Variants in MET observed in about 807,000 individuals in gnomAD.
MET encodes MET proto-oncogene, receptor tyrosine kinase.
Under a neutral mutation model 133.1 loss-of-function variants are expected in MET, and 48 were observed. The ratio of observed to expected loss-of-function variants is 0.36; its 90% CI spans 0.29 to 0.46. MET has a LOEUF of 0.46. MET is among the 20% of genes least tolerant of loss of function. The probability of loss-of-function intolerance (pLI) is 1.00; values close to 1 mark genes in which losing one functional copy is unlikely to be tolerated. For synonymous variants in MET, 628 were observed against 616.5 expected, an observed-to-expected ratio of 1.02 and a Z score of -0.28; for missense variants, 1,442 against 1,695.9, an observed-to-expected ratio of 0.85 and a Z score of 2.63.
chr7:116,769,897 GGCTCATCA>G (rs1794778060), intron 12 of MET, 106 bp downstream of exon 12: 4 of 1,513,516 alleles, frequency 2.6e-6, no homozygotes, highest in Non-Finnish European at 2.7e-6. Flanking sequence ...TGTGGGTTTT[GGCTCATCA>G]ACTCAGCCTG....
At chr7:116,724,821 AGGCTT>A (rs1792677192) in intron 2 of MET, 1 of 1,289,118 alleles carries the variant, frequency 7.8e-7, no homozygotes, top group Non-Finnish European at 1.0e-6. Flanking sequence ...CAGAGAGCCT[AGGCTT>A]AGTCCTAGCC....
In MET at chr7:116,771,879, C is replaced by G. The variant is rs1256425988; in HGVS notation, c.2918C>G (p.Ala973Gly). The change falls in exon 14 of 21, where the codon GCA becomes GGA. Residue 973 changes from alanine (A) to glycine (G), a missense_variant. Physicochemically the swap from Ala to Gly is moderately conservative, Grantham distance 60. Around this residue, in one of 6 missense-constraint regions of MET, gnomAD observed 514 missense variants for 659.6 expected, o/e 0.78. Transcript: ENST00000397752. Reference protein sequence around the residue: ...DLGSELVRYDARVHTPHLDRL... With the variant: ...DLGSELVRYDGRVHTPHLDRL... ...GGCAGTGAATTAGTTCGCTACGATG[C>G]AAGAGTACACACTCCTCATTTGGAT... 6.2e-7 allele frequency: 1 copy of G among 1,613,646 alleles called. No homozygotes were observed. The highest frequency in any genetic ancestry group is 8.5e-7 in the Non-Finnish European group (1 of 1,179,830).
Position 116,754,807 on chromosome 7 carries a change from ACT to A in MET, c.1702-545_1702-544del, listed in dbSNP as rs777610887. Among the ~76,000 whole-genome samples, 8 of 150,830 alleles carry A rather than the reference ACT, an allele frequency of 5.3e-5. No homozygotes were observed. In the South Asian group the frequency reaches 1.5e-3, roughly 28 times the overall value. On this transcript the variant is annotated intron_variant, in intron 5 of 20. Transcript: ENST00000397752. The stretch of plus-strand genomic sequence containing the variant: ...ACTCCAGCCTGAACAACAGAGCCAG[ACT>A]CTGTCTGAAAAAGAAAAGAAAAGAA...
chr7:116,794,206 A>G (rs1198767258), intron 19 of MET, among the ~76,000 whole-genome samples: 2 of 151,912 alleles, frequency 1.3e-5, no homozygotes, highest in African/African-American at 4.8e-5. Flanking sequence ...CAGCCCTGGG[A>G]CCTATCTAGT....
chr7:116,703,394 A>G (rs1791652376), intron 2 of MET, among the ~76,000 whole-genome samples: 2 of 152,140 alleles, frequency 1.3e-5, no homozygotes, highest in African/African-American at 2.4e-5. Context: ...CCATTCATCA[A>G]TCAACCTCTA....
chr7:116,685,095 G>A (rs12535996), intron 1 of MET, among the ~76,000 whole-genome samples: 19,446 of 152,132 alleles, frequency 0.13, 2,148 homozygotes, highest in African/African-American at 0.3. Context: ...ACCAGGTTTT[G>A]TGGGAGTAGA....
Position 116,699,198 on chromosome 7 carries a change from T to C in MET, c.114T>C (p.Asn38=). 6.2e-7 allele frequency: 1 copy of C among 1,613,984 alleles called. No individual in the cohort carries two copies. Among genetic ancestry groups the C allele is most frequent in the Non-Finnish European group, 8.5e-7 (1 of 1,179,922 alleles). ...TAGCAAAGTCCGAGATGAATGTGAATATGAAGTATCAGCTTCCCAACTTCA... is the reference window on the plus strand; with the variant it reads ...TAGCAAAGTCCGAGATGAATGTGAACATGAAGTATCAGCTTCCCAACTTCA... ...EALAKSEMNV[N]MKYQLPNFTA... Residue 38 remains asparagine, a synonymous_variant, in exon 2 of 21, where the codon AAT becomes AAC. Coordinates refer to ENST00000397752, the MANE Select transcript of MET (RefSeq NM_000245.4).
intron 1 of MET, among the ~76,000 whole-genome samples, chr7:116,685,756 C>T (rs1796528997): frequency 6.6e-6 from 1 of 152,138 alleles, no homozygotes. Context: ...ATCCTACAAA[C>T]ATGCTTCACC....
At chr7:116,783,188 C>A in intron 18 of MET, 116 bp from the exon 19 acceptor site, 1 of 1,202,316 alleles carries the variant, frequency 8.3e-7, no homozygotes, top group Non-Finnish European at 1.2e-6. Flanking sequence ...TGAAATACTT[C>A]CTTCAGAAGT....
Position 116,771,938 on chromosome 7 carries a change from A to G in MET, c.2977A>G (p.Thr993Ala), listed in dbSNP as rs587778441. The part of the protein sequence containing the change: ...LVSARSVSPT[T>A]EMVSNESVDY... ...AAGTGCCCGAAGTGTAAGCCCAACTACAGAAATGGTTTCAAATGAATCTGT... is the reference window on the plus strand; with the variant it reads ...AAGTGCCCGAAGTGTAAGCCCAACTGCAGAAATGGTTTCAAATGAATCTGT... The change falls in exon 14 of 21, where the codon ACA becomes GCA. Residue 993 changes from threonine (T) to alanine (A), a missense_variant. Transcript: ENST00000397752. 3 of 1,613,910 alleles carry G rather than the reference A, an allele frequency of 1.9e-6. No individual in the cohort carries two copies. The highest frequency in any genetic ancestry group is 4.5e-5 in the East Asian group (2 of 44,876).
rs1196956233 is a variant in MET, at chr7:116,743,771, CCT to C, written c.1701+2748_1701+2749del. 3.3e-5 allele frequency among the ~76,000 whole-genome samples: 5 copies of C among 152,324 alleles called. No homozygotes were observed. The East Asian group carries it at 7.7e-4, about 24-fold the overall frequency. On this transcript the variant is annotated intron_variant, in intron 5 of 20. Coordinates refer to ENST00000397752, the MANE Select transcript of MET (RefSeq NM_000245.4). ...ACCTCCCAGCAGGGGTCGACAGACA[CCT>C]CACACAGGAGAGCTCTGGCTGGCAT...
rs1189967753 is a variant in MET, at chr7:116,797,983, CCAAATATTGCCGTTT to C, written c.*1862_*1876del. 4.5e-6 allele frequency: 1 copy of C among 220,224 alleles called. No homozygotes were observed. Among genetic ancestry groups the C allele is most frequent in the Non-Finnish European group, 9.1e-6 (1 of 109,732 alleles). 13.6% of individuals were successfully genotyped at this position (220,224 alleles called of 1,614,324 possible). On this transcript the variant is annotated 3_prime_UTR_variant, in exon 21 of 21. Coordinates refer to ENST00000397752, the MANE Select transcript of MET (RefSeq NM_000245.4). Reference sequence around the variant, plus strand: ...AATTGTACTGAAGAGCTATTACAATCCAAATATTGCCGTTTCATAAATGTAATAAGTAATACTAAT... The same window carrying C: ...AATTGTACTGAAGAGCTATTACAATCCATAAATGTAATAAGTAATACTAAT...
intron 5 of MET, among the ~76,000 whole-genome samples, chr7:116,753,114 C>CT: frequency 6.6e-6 from 1 of 152,180 alleles, no homozygotes. Flanking sequence ...TAAGCTAAAA[C>CT]TTTAAAGGGG....
Position 116,758,282 on chromosome 7 carries a change from C to G in MET, c.2103-177C>G, listed in dbSNP as rs1487779386. On this transcript the variant is annotated intron_variant, in intron 8 of 20. Transcript: ENST00000397752. ...TTTCCAGTCAAGGATAGCTTGTCCA[C>G]AACAAAGGTAAGTTTGAGATCCAGT... 2.6e-5 allele frequency among the ~76,000 whole-genome samples: 4 copies of G among 152,076 alleles called. No homozygotes were observed. The East Asian group carries it at 7.7e-4, about 29-fold the overall frequency.
In MET at chr7:116,772,021, C is replaced by CTAT. The variant is rs1416396818; in HGVS notation, c.3028+33_3028+35dup. 3 of 1,609,380 alleles carry CTAT rather than the reference C, an allele frequency of 1.9e-6. No homozygotes were observed. In the African/African-American group the frequency reaches 4.0e-5, roughly 22 times the overall value. ...TTCAGTTTATTGTTCTGAGAAATAC[C>CTAT]TATACATATACCTCAGTGGGTTGTG... On this transcript the variant is annotated intron_variant, in intron 14 of 20. Transcript: ENST00000397752.
chr7:116,723,837 C>T (rs538696118), intron 2 of MET, among the ~76,000 whole-genome samples: 45 of 152,314 alleles, frequency 3.0e-4, no homozygotes, highest in Admixed American at 1.8e-3. Flanking sequence ...GCAGTCTGCC[C>T]ATTCTCAGAT....
intron 17 of MET, among the ~76,000 whole-genome samples, chr7:116,779,352 T>C (rs1407855004): frequency 6.6e-6 from 1 of 152,210 alleles, no homozygotes; most frequent in Non-Finnish European, 1.5e-5. Context: ...TTGCTGTTCC[T>C]TGTCCTTGCC....
intron 2 of MET, among the ~76,000 whole-genome samples, chr7:116,722,591 T>A (rs1445326512): frequency 6.6e-6 from 1 of 151,628 alleles, no homozygotes; most frequent in African/African-American, 2.4e-5. Flanking sequence ...GGTCTTTACA[T>A]TTTGGCATGA....
rs557263221 is a variant in MET at position 116,697,557 on chromosome 7, C to T, written c.-14-1514C>T. 6.6e-5 allele frequency among the ~76,000 whole-genome samples: 10 copies of T among 152,286 alleles called. No individual in the cohort carries two copies. The South Asian group carries it at 2.1e-3, about 32-fold the overall frequency. ...ATTTGGAGTCAAAAAATTTTGGACG[C>T]AAATTTTGGCTACTACACTTAACCA... On this transcript the variant is annotated intron_variant, in intron 1 of 20. Transcript: ENST00000397752.
Sources: gnomAD v4.1 joint callset for allele counts (sites outside exome capture counted in the v4.1 genomes callset) on GRCh38, gnomAD v4.1.1 for gene constraint, gnomAD v4.1.1 regional missense constraint, MANE v1.5 for transcripts, NCBI Gene and HGNC (gene_info 2026-07-23, HGNC 2026-07-21) for gene names.